The following REEP1 variants were observed in gnomAD, a reference collection of about 807,000 sequenced individuals.
REEP1 encodes the protein receptor expression-enhancing protein 1.
A neutral mutation model predicts 40.3 loss-of-function variants in REEP1; 22 were observed. That is an observed-to-expected ratio of 0.55 (90% CI 0.39 to 0.78). The LOEUF (loss-of-function observed/expected upper bound fraction) is 0.78. REEP1 is among the 30% of genes least tolerant of loss of function. The pLI is 0.00. For missense variants in REEP1, 280 were observed against 361.1 expected (o/e 0.78, Z 1.82); for synonymous variants, 116 against 139.2 (o/e 0.83, Z 1.17).
chr2:86,271,526 A>T (rs1158929909), intron 2 of REEP1, among the ~76,000 whole-genome samples: 3 of 152,366 alleles, frequency 2.0e-5, no homozygotes, highest in East Asian at 3.9e-4. Context: ...TCAACCTAGA[A>T]TTCTATACCC....
intron 1 of REEP1, among the ~76,000 whole-genome samples, chr2:86,304,441 G>A (rs537887950): frequency 1.3e-5 from 2 of 152,158 alleles, no homozygotes; most frequent in Admixed American, 1.3e-4. Flanking sequence ...AGGGTGGGAG[G>A]GGGACTTTAA....
intron 4 of REEP1, 149 bp from the exon 5 acceptor site, chr2:86,252,219 G>T: frequency 1.4e-6 from 1 of 703,402 alleles, no homozygotes; most frequent in Non-Finnish European, 2.6e-6. Flanking sequence ...GAAGGTGTGC[G>T]TGCAGAGGGG....
At chr2:86,312,515 G>A (rs928816251) in intron 1 of REEP1, among the ~76,000 whole-genome samples, 3 of 152,130 alleles carry the variant, frequency 2.0e-5, no homozygotes, top group African/African-American at 4.8e-5. Context: ...AGACAGATTT[G>A]AATTTGCTTC....
At chr2:86,242,716 A>C (rs1396212053) in intron 5 of REEP1, among the ~76,000 whole-genome samples, 2 of 152,178 alleles carry the variant, frequency 1.3e-5, no homozygotes, top group Non-Finnish European at 2.9e-5. Context: ...GAGAGACAAG[A>C]CTGAAAGGCT....
intron 7 of REEP1, among the ~76,000 whole-genome samples, chr2:86,226,083 ACCAC>A: frequency 7.8e-6 from 1 of 127,822 alleles, no homozygotes; most frequent in South Asian, 2.4e-4. Flanking sequence ...TATCACCACC[ACCAC>A]CACCACCACC....
At chr2:86,337,710 C>T (rs540384937), upstream of REEP1, 72 of 965,848 alleles carry the variant, frequency 7.5e-5, no homozygotes, top group African/African-American at 1.1e-3. This position sits in a 1 kb window ranked among gnomAD's most constrained non-coding sequence, Gnocchi z 5.8. Flanking sequence ...GCCCCAGCCC[C>T]CCGGGGCTCG....
At chr2:86,320,185 T>G (rs1355622158) in intron 1 of REEP1, among the ~76,000 whole-genome samples, 1 of 152,212 alleles carries the variant, frequency 6.6e-6, no homozygotes, top group Non-Finnish European at 1.5e-5. Context: ...ACACCCATTC[T>G]CTAGTCATAG....
chr2:86,279,696 T>C (rs1677957273), intron 2 of REEP1, among the ~76,000 whole-genome samples: 1 of 152,098 alleles, frequency 6.6e-6, no homozygotes, highest in Non-Finnish European at 1.5e-5. Context: ...AGAGATGCAA[T>C]GTTGCTGGCT....
chr2:86,226,111 CCACCATCAT>C (rs1674679562), intron 7 of REEP1, among the ~76,000 whole-genome samples: 2 of 141,032 alleles, frequency 1.4e-5, no homozygotes, highest in African/African-American at 2.6e-5. Flanking sequence ...ACCACCACCA[CCACCATCAT>C]CACCACCACC....
intron 3 of REEP1, among the ~76,000 whole-genome samples, chr2:86,255,317 CT>C (rs1370384796): frequency 5.9e-5 from 9 of 152,204 alleles, no homozygotes; most frequent in African/African-American, 1.9e-4. Flanking sequence ...TCTTGGCTGC[CT>C]TCTTGGCCCA....
At position 86,217,041 on chromosome 2, in the gene REEP1, A is replaced by C. The variant is rs778184639; in HGVS notation, c.853T>G (p.Ter285GlyextTer3). 17 of 1,612,444 alleles carry C rather than the reference A, an allele frequency of 1.1e-5. No individual in the cohort carries two copies. Among genetic ancestry groups the C allele is most frequent in the Non-Finnish European group, 1.4e-5 (17 of 1,179,064 alleles). The change falls in exon 9 of 9, where the codon TGA (stop) becomes GGA (glycine). Residue 285 changes from the stop codon to glycine (G), a stop_lost. Coordinates refer to ENST00000538924, the MANE Select transcript of REEP1 (RefSeq NM_001371279.1). ...CCGGTGCTGTTGGCTCATCTCACTC[A>C]CGTGGTTTCGGTGGCCGAGGATGAG... Reference protein sequence around the residue: ...STSSSATETT* With the variant: ...STSSSATETTG
chr2:86,275,540 A>G (rs11687392), intron 2 of REEP1, among the ~76,000 whole-genome samples: 57,840 of 152,014 alleles, frequency 0.38, 12,411 homozygotes, highest in East Asian at 0.58. Flanking sequence ...ACCACCCCAG[A>G]GCCAGGTCCC....
At chr2:86,272,793 C>A (rs1227114283) in intron 2 of REEP1, among the ~76,000 whole-genome samples, 3 of 152,172 alleles carry the variant, frequency 2.0e-5, no homozygotes, top group African/African-American at 7.2e-5. Context: ...ACACCTCTGT[C>A]CCCTTCACAA....
intron 1 of REEP1, among the ~76,000 whole-genome samples, chr2:86,324,498 T>C (rs1298901780): frequency 6.6e-6 from 1 of 152,172 alleles, no homozygotes; most frequent in African/African-American, 2.4e-5. Context: ...TATCAAGTGA[T>C]GGTAAAGACA....
At chr2:86,254,060 G>A (rs533530282) in intron 4 of REEP1, among the ~76,000 whole-genome samples, 5 of 152,200 alleles carry the variant, frequency 3.3e-5, no homozygotes, top group African/African-American at 4.8e-5. Context: ...CTAGCAGTAA[G>A]GGAACATCAT....
At chr2:86,323,746 C>T (rs1680379876) in intron 1 of REEP1, among the ~76,000 whole-genome samples, 1 of 152,136 alleles carries the variant, frequency 6.6e-6, no homozygotes, top group African/African-American at 2.4e-5. Context: ...GAACTTGCCA[C>T]GCCAGACATC....
In REEP1 at chr2:86,232,781, T is replaced by C; in HGVS notation, c.439A>G (p.Arg147Gly). Residue 147 changes from arginine to glycine, a missense_variant, in exon 6 of 9, where the codon AGA (arginine) becomes GGA (glycine). Arg to Gly is a moderately radical substitution (Grantham distance 125). Transcript: ENST00000538924. Reference protein sequence around the residue: ...ASKGQGALSERLRSFSMQDLT... With the variant: ...ASKGQGALSEGLRSFSMQDLT... ...TCCTGCATGCTGAAGCTCCGCAGTC[T>C]CTCCGATAAGGCACCCTGTCCCTGG... 6.2e-7 allele frequency: 1 copy of C among 1,602,628 alleles called. No homozygotes were observed. Among genetic ancestry groups the C allele is most frequent in the Non-Finnish European group, 8.5e-7 (1 of 1,179,910 alleles).
intron 1 of REEP1, among the ~76,000 whole-genome samples, chr2:86,311,312 G>A (rs1679753534): frequency 6.6e-6 from 1 of 152,200 alleles, no homozygotes; most frequent in Non-Finnish European, 1.5e-5. Context: ...GGGGCCAGCA[G>A]GGGCCGATGG....
At chr2:86,253,973 AG>A (rs1260004671) in intron 4 of REEP1, among the ~76,000 whole-genome samples, 1 of 152,246 alleles carries the variant, frequency 6.6e-6, no homozygotes, top group Non-Finnish European at 1.5e-5. Flanking sequence ...AATTAAAGGA[AG>A]CAACTAAACT....
Sources: gnomAD v4.1 joint callset for allele counts (sites outside exome capture counted in the v4.1 genomes callset) on GRCh38, gnomAD v4.1.1 for gene constraint, Gnocchi (gnomAD v3.1) non-coding constraint, MANE v1.5 for transcripts, NCBI Gene and HGNC (gene_info 2026-07-23, HGNC 2026-07-21) for gene names.